Variants in CDK5RAP2 observed in about 807,000 individuals in gnomAD.
CDK5RAP2 encodes CDK5 regulatory subunit associated protein 2.
A neutral mutation model predicts 232.9 loss-of-function variants in CDK5RAP2; 147 were observed. The observed-to-expected ratio is 0.63, with a 90% CI of 0.55 to 0.72. The LOEUF is 0.72. Ranked by LOEUF, CDK5RAP2 falls within the 30% of genes least tolerant of loss-of-function variation. The pLI, the probability that CDK5RAP2 is intolerant of heterozygous loss-of-function variation, is 0.00. For missense variants in CDK5RAP2, 2,195 were observed against 2,231.5 expected (o/e 0.98, Z 0.33); for synonymous variants, 833 against 833.7 (o/e 1.00, Z 0.01).
chr9:120,444,139 C>T (rs1250953395), intron 22 of CDK5RAP2, among the ~76,000 whole-genome samples: 1 of 152,242 alleles, frequency 6.6e-6, no homozygotes, highest in African/African-American at 2.4e-5. Context: ...TAGGAGCCAG[C>T]ATGGTGGCTC....
intron 12 of CDK5RAP2, among the ~76,000 whole-genome samples, chr9:120,504,764 C>CCAACCA (rs773957507): frequency 7.2e-5 from 11 of 152,216 alleles, no homozygotes; most frequent in Admixed American, 1.3e-4. Flanking sequence ...TCCCCTTCAT[C>CCAACCA]CAACCACTTC....
intron 3 of CDK5RAP2, among the ~76,000 whole-genome samples, chr9:120,561,569 G>A (rs1443989237): frequency 6.6e-6 from 1 of 151,990 alleles, no homozygotes; most frequent in Non-Finnish European, 1.5e-5. Context: ...CAAAGTGCTG[G>A]GATTACAGGT....
chr9:120,551,006 T>G (rs1226384903), intron 3 of CDK5RAP2, 104 bp from the exon 4 acceptor site: 1 of 750,176 alleles, frequency 1.3e-6, no homozygotes, highest in Non-Finnish European at 2.4e-6. Flanking sequence ...ACAAAACTGA[T>G]TCAAATGTTA....
At chr9:120,573,026 A>G (rs2042909201) in intron 1 of CDK5RAP2, among the ~76,000 whole-genome samples, 3 of 152,162 alleles carry the variant, frequency 2.0e-5, no homozygotes, top group African/African-American at 7.2e-5. Context: ...TTTTATGTCC[A>G]ACTCCCACGA....
chr9:120,394,064 C>T (rs1184642825), intron 36 of CDK5RAP2, among the ~76,000 whole-genome samples: 1 of 152,246 alleles, frequency 6.6e-6, no homozygotes, highest in Non-Finnish European at 1.5e-5. Context: ...TGGTTTCTCA[C>T]ATACAAAAAC....
chr9:120,515,913 T>C (rs542016859), intron 12 of CDK5RAP2, among the ~76,000 whole-genome samples: 6 of 152,246 alleles, frequency 3.9e-5, no homozygotes, highest in Non-Finnish European at 5.9e-5. Context: ...ACTTTTACAC[T>C]GTTGGGACTG....
At chr9:120,478,331 C>CA (rs1378787407) in intron 14 of CDK5RAP2, among the ~76,000 whole-genome samples, 2 of 152,056 alleles carry the variant, frequency 1.3e-5, no homozygotes, top group African/African-American at 4.8e-5. Flanking sequence ...TTTATTGTGC[C>CA]AAAAAATGAG....
intron 4 of CDK5RAP2, among the ~76,000 whole-genome samples, chr9:120,546,426 T>C (rs1419185514): frequency 2.0e-5 from 3 of 152,186 alleles, no homozygotes; most frequent in South Asian, 2.1e-4. Context: ...AGCCTTGGGC[T>C]TATAACTCAC....
intron 4 of CDK5RAP2, among the ~76,000 whole-genome samples, chr9:120,546,006 T>C (rs1335572187): frequency 6.6e-6 from 1 of 152,208 alleles, no homozygotes; most frequent in Non-Finnish European, 1.5e-5. Flanking sequence ...TTTGTGAGAC[T>C]TGGAACAATT....
rs2035642614 is a variant in CDK5RAP2, at chr9:120,437,344, C to A, written c.3906G>T (p.Leu1302=). The A allele has an allele frequency of 6.2e-7, 1 of 1,614,110 alleles. No homozygotes were observed. Among genetic ancestry groups the A allele is most frequent in the African/African-American group, 1.3e-5 (1 of 75,032 alleles). ...TCTCCAGCAGCTCAGCACATTGATT[C>A]AGCTGTTCCTGGAAACCCTCGGCCA... ...YCVAEGFQEQ[L]NQCAELLEKL... Residue 1302 remains leucine, a synonymous_variant, in exon 25 of 38, where the codon CTG becomes CTT. Coordinates refer to ENST00000349780, the MANE Select transcript of CDK5RAP2 (RefSeq NM_018249.6).
At chr9:120,573,454 C>T (rs2042924396) in intron 1 of CDK5RAP2, among the ~76,000 whole-genome samples, 1 of 151,078 alleles carries the variant, frequency 6.6e-6, no homozygotes, top group Non-Finnish European at 1.5e-5. Context: ...GAGGCTGAGG[C>T]AGGAGAATCA....
chr9:120,429,765 A>C (rs2131425373), intron 25 of CDK5RAP2, among the ~76,000 whole-genome samples: 1 of 152,356 alleles, frequency 6.6e-6, no homozygotes, highest in South Asian at 2.1e-4. Context: ...ATGATTTTAA[A>C]GTTCATATGG....
intron 36 of CDK5RAP2, 41 bp downstream of exon 36, chr9:120,394,471 G>A: frequency 6.2e-7 from 1 of 1,613,582 alleles, no homozygotes; most frequent in Non-Finnish European, 8.5e-7. Context: ...CTCGGAGGCA[G>A]GAAGTGGTCA....
At position 120,402,795 on chromosome 9, in the gene CDK5RAP2, G is replaced by A; in HGVS notation, c.5307+11C>T. 1 of 1,613,638 alleles carries A rather than the reference G, an allele frequency of 6.2e-7. No homozygotes were observed. On this transcript the variant is annotated intron_variant, in intron 34 of 37. Coordinates refer to ENST00000349780, the MANE Select transcript of CDK5RAP2 (RefSeq NM_018249.6). Reference sequence around the variant, plus strand: ...AGCAGCTTGTGCCCCCCAGCTCTGTGGTCAGGTTACCTTTGTTCCCAGCTC... The same window carrying A: ...AGCAGCTTGTGCCCCCCAGCTCTGTAGTCAGGTTACCTTTGTTCCCAGCTC...
At chr9:120,502,182 T>C (rs1210016271) in intron 12 of CDK5RAP2, among the ~76,000 whole-genome samples, 4 of 152,226 alleles carry the variant, frequency 2.6e-5, no homozygotes, top group Non-Finnish European at 5.9e-5. Flanking sequence ...CCCTGAAAAA[T>C]GCTGTGAAGA....
rs1782653818 is a variant in CDK5RAP2 at position 120,491,467 on chromosome 9, T to C, written c.1322A>G (p.Asn441Ser). ...KGDCTIRDLR[N>S]EVEKLRNEVN... is the part of the protein sequence containing the mutation. ...TTCATTGCGTAATTTTTCAACTTCA[T>C]TTCTAAGATCCTACCAGAAGAAAAT... Residue 441 changes from asparagine (N) to serine (S), a missense_variant, in exon 13 of 38, where the codon AAT becomes AGT. Asn to Ser is a conservative substitution (Grantham distance 46). Coordinates refer to ENST00000349780, the MANE Select transcript of CDK5RAP2 (RefSeq NM_018249.6). 3 of 1,609,406 alleles carry C rather than the reference T, an allele frequency of 1.9e-6. No homozygotes were observed. The South Asian group carries it at 3.3e-5, about 18-fold the overall frequency.
intron 18 of CDK5RAP2, among the ~76,000 whole-genome samples, chr9:120,461,848 C>G (rs533107636): frequency 1.3e-5 from 2 of 152,260 alleles, no homozygotes; most frequent in African/African-American, 4.8e-5. Flanking sequence ...GTCTCGAAAG[C>G]AAAAACAAAA....
At position 120,545,904 on chromosome 9, in the gene CDK5RAP2, C is replaced by G; in HGVS notation, c.307-114G>C. The stretch of plus-strand genomic sequence containing the variant: ...CTGACTACAGGATGCTTGTAATAGG[C>G]AGATGTTAGATTCCAAAAACCCTCA... On this transcript the variant is annotated intron_variant, in intron 4 of 37. Transcript: ENST00000349780. The G allele has an allele frequency of 3.7e-6, 3 of 819,972 alleles. No individual in the cohort carries two copies. In the South Asian group the frequency reaches 4.1e-5, roughly 11 times the overall value. 50.8% of individuals were successfully genotyped at this position (819,972 alleles called of 1,614,324 possible).
intron 26 of CDK5RAP2, among the ~76,000 whole-genome samples, chr9:120,422,358 G>T (rs963023225): frequency 6.6e-6 from 1 of 152,176 alleles, no homozygotes; most frequent in African/African-American, 2.4e-5. Flanking sequence ...GAAGAGAATT[G>T]GGGTCAGAAT....
Sources: gnomAD v4.1 joint callset for allele counts (sites outside exome capture counted in the v4.1 genomes callset) on GRCh38, gnomAD v4.1.1 for gene constraint, MANE v1.5 for transcripts, NCBI Gene and HGNC (gene_info 2026-07-23, HGNC 2026-07-21) for gene names.